FAM184A: variants seen among roughly 807,000 people sequenced by gnomAD.
FAM184A encodes the protein protein FAM184A.
Under a neutral mutation model 143.8 loss-of-function variants are expected in FAM184A, and 99 were observed. The observed-to-expected ratio is 0.69, with a 90% CI of 0.58 to 0.81. FAM184A has a LOEUF of 0.81. Among genes scored for constraint, FAM184A ranks in the 40% least tolerant of loss-of-function variants. FAM184A has a pLI of 0.00. For synonymous variants in FAM184A, 427 were observed against 446.4 expected (o/e 0.96, Z 0.55); for missense variants, 1,217 against 1,310.5 (o/e 0.93, Z 1.10).
chr6:119,123,906 G>A (rs1789291959), intron 1 of FAM184A, among the ~76,000 whole-genome samples: 1 of 152,108 alleles, frequency 6.6e-6, no homozygotes, highest in Non-Finnish European at 1.5e-5. Flanking sequence ...TTTGCTGATT[G>A]TGCCATTACA....
intron 5 of FAM184A, among the ~76,000 whole-genome samples, chr6:119,012,979 T>C (rs1785133518): frequency 6.6e-6 from 1 of 152,192 alleles, no homozygotes; most frequent in Admixed American, 6.5e-5. Flanking sequence ...CAGCTAAATG[T>C]TCCTTAAGAG....
chr6:118,967,509 G>A (rs1029155174), intron 14 of FAM184A, among the ~76,000 whole-genome samples: 3 of 152,042 alleles, frequency 2.0e-5, no homozygotes, highest in African/African-American at 7.2e-5. Flanking sequence ...CATACAAACT[G>A]AAAAAAAGTT....
chr6:119,127,046 G>A (rs149474970), intron 1 of FAM184A, among the ~76,000 whole-genome samples: 1 of 152,276 alleles, frequency 6.6e-6, no homozygotes, highest in East Asian at 1.9e-4. Context: ...GTTTTTATGA[G>A]TGCAGGATGG....
At chr6:119,108,359 C>T (rs375946673) in intron 1 of FAM184A, among the ~76,000 whole-genome samples, 7 of 152,078 alleles carry the variant, frequency 4.6e-5, no homozygotes. Context: ...AGTCTCTTCT[C>T]TCTTCTGAAA....
At chr6:119,033,748 T>G (rs1211606951) in intron 1 of FAM184A, among the ~76,000 whole-genome samples, 1 of 150,376 alleles carries the variant, frequency 6.6e-6, no homozygotes, top group Non-Finnish European at 1.5e-5. Context: ...TCCCAGGACT[T>G]TGGGAGGCCC....
At chr6:119,031,410 C>T (rs903095653) in intron 1 of FAM184A, 3 of 152,124 alleles carry the variant, frequency 2.0e-5, no homozygotes, top group African/African-American at 4.8e-5. Context: ...TGTAGTGTGA[C>T]GACACATCAA....
At chr6:119,014,537 C>T (rs528158072) in intron 5 of FAM184A, among the ~76,000 whole-genome samples, 8 of 152,270 alleles carry the variant, frequency 5.3e-5, no homozygotes, top group East Asian at 3.9e-4. Context: ...AAACTATCTA[C>T]GAGAGAATAC....
intron 2 of FAM184A, among the ~76,000 whole-genome samples, chr6:119,023,652 C>G (rs997485167): frequency 2.7e-5 from 4 of 148,514 alleles, no homozygotes; most frequent in East Asian, 2.0e-4. Context: ...CCTGGGCCCC[C>G]CAAAGTGCTG....
intron 9 of FAM184A, among the ~76,000 whole-genome samples, chr6:118,995,347 A>G (rs2114621856): frequency 6.6e-6 from 1 of 152,230 alleles, no homozygotes; most frequent in African/African-American, 2.4e-5. Flanking sequence ...TGAGCCTGAA[A>G]AGTTGAGGGT....
Position 119,078,199 on chromosome 6 carries a change from A to G in FAM184A, c.101T>C (p.Met34Thr), listed in dbSNP as rs748083643. ...CAGGTGCATCTCCTGGCTGTAGTCC[A>G]TGCTGTGCCCAGCCAGCTGTGCGGT... is the stretch of plus-strand genomic sequence containing the variant. ...PATAQLAGHS[M>T]DYSQEMHLKM... The change falls in exon 1 of 18, where the codon ATG becomes ACG. Residue 34 changes from methionine to threonine, a missense_variant. Met to Thr is a moderately conservative substitution (Grantham distance 81). Transcript: ENST00000338891. This position sits in a 1 kb window ranked among gnomAD's most constrained non-coding sequence, Gnocchi z 5.5. 101 of 1,579,908 alleles carry G rather than the reference A, an allele frequency of 6.4e-5. No individual in the cohort carries two copies. Among genetic ancestry groups the G allele is most frequent in the Non-Finnish European group, 8.0e-5 (93 of 1,165,610 alleles).
intron 1 of FAM184A, among the ~76,000 whole-genome samples, chr6:119,063,340 C>T (rs1175767370): frequency 6.6e-6 from 1 of 152,184 alleles, no homozygotes; most frequent in Non-Finnish European, 1.5e-5. Flanking sequence ...TAAGACTTTA[C>T]ATTCTAAGAC....
At chr6:118,988,483 T>C (rs1784260052) in intron 9 of FAM184A, among the ~76,000 whole-genome samples, 1 of 152,196 alleles carries the variant, frequency 6.6e-6, no homozygotes, top group Admixed American at 6.5e-5. Flanking sequence ...AAGATAACTA[T>C]TCAAAGCATT....
chr6:119,132,820 A>G (rs1789569209), intron 1 of FAM184A, among the ~76,000 whole-genome samples: 1 of 152,248 alleles, frequency 6.6e-6, no homozygotes, highest in Admixed American at 6.5e-5. Context: ...TGCAGCTTTC[A>G]GGAATATTAG....
intron 15 of FAM184A, 44 bp from the exon 16 acceptor site, chr6:118,964,815 A>C (rs1429773398): frequency 9.5e-7 from 1 of 1,050,764 alleles, no homozygotes; most frequent in Admixed American, 2.1e-5. Flanking sequence ...TTTTCTATGG[A>C]ATATTTTAAA....
chr6:119,004,174 C>T (rs1374913306), intron 7 of FAM184A, among the ~76,000 whole-genome samples: 2 of 152,224 alleles, frequency 1.3e-5, no homozygotes, highest in African/African-American at 4.8e-5. Context: ...TGTAGATTAG[C>T]ATGAATCAAG....
chr6:119,027,285 G>A (rs1193216393), intron 1 of FAM184A, among the ~76,000 whole-genome samples: 2 of 152,120 alleles, frequency 1.3e-5, no homozygotes, highest in Admixed American at 6.5e-5. Flanking sequence ...ACCACCTTGC[G>A]CATATGTTCT....
chr6:118,965,889 G>A (rs1783487766), intron 15 of FAM184A, among the ~76,000 whole-genome samples: 1 of 152,170 alleles, frequency 6.6e-6, no homozygotes. Context: ...TTTCATGTGT[G>A]AAATATAATT....
chr6:119,089,159 A>AT (rs200716926), intron 1 of FAM184A, among the ~76,000 whole-genome samples: 22,033 of 137,534 alleles, frequency 0.16, 2,326 homozygotes, highest in African/African-American at 0.31. Context: ...GCTAACACCT[A>AT]TTTTTTTTTT....
intron 1 of FAM184A, among the ~76,000 whole-genome samples, chr6:119,146,028 A>C (rs1477785389): frequency 6.6e-6 from 1 of 152,210 alleles, no homozygotes; most frequent in African/African-American, 2.4e-5. Flanking sequence ...CACTAGTACC[A>C]CTAGCGGCAT....
Sources: gnomAD v4.1 joint callset for allele counts (sites outside exome capture counted in the v4.1 genomes callset) on GRCh38, gnomAD v4.1.1 for gene constraint, Gnocchi (gnomAD v3.1) non-coding constraint, MANE v1.5 for transcripts, NCBI Gene and HGNC (gene_info 2026-07-23, HGNC 2026-07-21) for gene names.